Variants in SLK observed in about 807,000 individuals in gnomAD.
The protein encoded by SLK is STE20-like serine/threonine-protein kinase.
A neutral mutation model predicts 147.7 loss-of-function variants in SLK; 67 were observed. That is an observed-to-expected ratio of 0.45 (90% CI 0.37 to 0.56). The LOEUF is 0.56. SLK is among the 20% of genes least tolerant of loss of function. SLK has a pLI of 0.00. For missense variants in SLK, 1,136 were observed against 1,438.8 expected (o/e 0.79, Z 3.41); for synonymous variants, 441 against 475.0 (o/e 0.93, Z 0.93).
At chr10:103,989,104 T>A (rs1233734086) in intron 1 of SLK, among the ~76,000 whole-genome samples, 1 of 152,186 alleles carries the variant, frequency 6.6e-6, no homozygotes, top group African/African-American at 2.4e-5. Flanking sequence ...AGCCACAGAC[T>A]GAGAAAATAT....
chr10:104,005,118 GTTTTT>G (rs547950242), intron 9 of SLK, among the ~76,000 whole-genome samples: 1 of 150,996 alleles, frequency 6.6e-6, no homozygotes, highest in Admixed American at 6.6e-5. Context: ...TGTCAATTTA[GTTTTT>G]TTTTAAGAGA....
intron 1 of SLK, among the ~76,000 whole-genome samples, chr10:103,970,707 C>T (rs1199395894): frequency 1.2e-4 from 19 of 152,026 alleles, no homozygotes; most frequent in Admixed American, 1.0e-3. Flanking sequence ...TAACATAGTA[C>T]GTAGTAGTAT....
At chr10:103,989,883 C>T (rs1021807758) in intron 1 of SLK, among the ~76,000 whole-genome samples, 2 of 152,180 alleles carry the variant, frequency 1.3e-5, no homozygotes, top group Admixed American at 6.5e-5. Flanking sequence ...GAAACCCGCA[C>T]ATACATGTTT....
At chr10:103,979,936 A>G (rs1843919486) in intron 1 of SLK, among the ~76,000 whole-genome samples, 1 of 152,176 alleles carries the variant, frequency 6.6e-6, no homozygotes, top group Non-Finnish European at 1.5e-5. Flanking sequence ...CCTAACCAAG[A>G]TGGTGAAGAT....
chr10:104,005,223 A>G (rs977980146), intron 9 of SLK, among the ~76,000 whole-genome samples: 2 of 152,214 alleles, frequency 1.3e-5, no homozygotes, highest in Non-Finnish European at 2.9e-5. Flanking sequence ...AAAAAAAAGG[A>G]TAACATGTAA....
intron 12 of SLK, among the ~76,000 whole-genome samples, chr10:104,009,645 A>G (rs550943996): frequency 2.6e-5 from 4 of 152,178 alleles, no homozygotes; most frequent in Admixed American, 6.5e-5. Flanking sequence ...AGTGAAATTT[A>G]AAAAATTTTA....
rs368766440 is a variant in SLK, at chr10:103,986,692, T to TTC, written c.151-3983_151-3982insTC. Among the ~76,000 whole-genome samples, 641 of 125,044 alleles carry TTC rather than the reference T, an allele frequency of 5.1e-3. 3 individuals are homozygous for TTC. Among genetic ancestry groups the TTC allele is most frequent in the Non-Finnish European group, 8.2e-3 (491 of 59,532 alleles). 82.0% of individuals were successfully genotyped at this position (125,044 alleles called of 152,430 possible). A position where few individuals can be genotyped will look rare whatever the true frequency, so the allele number is the denominator to read the frequency against. On this transcript the variant is annotated intron_variant, in intron 1 of 18. Transcript: ENST00000369755. ...AGTTTTTTTTTTTTTTTTTTTTTTT[T>TTC]CCCTGAGACAGAGTCTTGGTCTGTT... is the stretch of plus-strand genomic sequence containing the variant.
chr10:104,008,385 T>A (rs1156432125), intron 12 of SLK, 29 bp downstream of exon 12: 4 of 1,503,170 alleles, frequency 2.7e-6, no homozygotes, highest in African/African-American at 1.4e-5. Flanking sequence ...TTTTAATTAC[T>A]AAAGCTTTTT....
At position 103,994,765 on chromosome 10, in the gene SLK, C is replaced by T. The variant is rs117284328; in HGVS notation, c.514+1632C>T. On this transcript the variant is annotated intron_variant, in intron 4 of 18. Coordinates refer to ENST00000369755, the MANE Select transcript of SLK (RefSeq NM_014720.4). ...GAAACACTGATCCATGGAACCTGGG[C>T]TGTTTGGCCTGTTGTGTTTCCCTCA... Among the ~76,000 whole-genome samples, 223 of 152,342 alleles carry T rather than the reference C, an allele frequency of 1.5e-3. 1 individual carries two copies. The highest frequency in any genetic ancestry group is 2.4e-3 in the Non-Finnish European group (165 of 68,032).
intron 1 of SLK, among the ~76,000 whole-genome samples, chr10:103,980,106 C>G (rs1037734109): frequency 1.1e-4 from 16 of 152,272 alleles, no homozygotes; most frequent in African/African-American, 3.9e-4. Context: ...ACTTTAAAGA[C>G]CGTCCTTTTC....
intron 18 of SLK, among the ~76,000 whole-genome samples, chr10:104,024,261 A>G (rs805682): frequency 0.2 from 30,053 of 151,966 alleles, 3,180 homozygotes; most frequent in African/African-American, 0.26. Flanking sequence ...GGGCCTTCTA[A>G]TTTCTAGTTC....
intron 18 of SLK, among the ~76,000 whole-genome samples, 199 bp from the exon 19 acceptor site, chr10:104,025,375 T>C (rs1191328938): frequency 6.6e-6 from 1 of 152,208 alleles, no homozygotes; most frequent in Non-Finnish European, 1.5e-5. Context: ...TGGACCCAAA[T>C]TGTCCATTTA....
chr10:103,990,448 C>T lies in SLK; in HGVS notation c.151-227C>T, dbSNP rs146897288. On this transcript the variant is annotated intron_variant, in intron 1 of 18. Transcript: ENST00000369755. ...ACGAGGGAACTTTCTGTACTTTCCA[C>T]GCAATTTTGCTGTGAACCTAAAACT... 5.4e-3 allele frequency among the ~76,000 whole-genome samples: 818 copies of T among 152,254 alleles called. 5 individuals are homozygous for T. Among genetic ancestry groups the T allele is most frequent in the African/African-American group, 0.018 (755 of 41,538 alleles).
chr10:103,991,409 A>G (rs576169798), intron 2 of SLK, among the ~76,000 whole-genome samples: 1 of 152,244 alleles, frequency 6.6e-6, no homozygotes, highest in South Asian at 2.1e-4. Flanking sequence ...TCTGTCAATC[A>G]CTTGTTCTGT....
Position 103,992,460 on chromosome 10 carries a change from G to A in SLK, c.316-138G>A, listed in dbSNP as rs549549265. On this transcript the variant is annotated intron_variant, in intron 2 of 18. Coordinates refer to ENST00000369755, the MANE Select transcript of SLK (RefSeq NM_014720.4). ...TTGTAACTCTTTTGACAAAATCTTCGTTTAGTATATCGTTTCCATAACCAG... is the reference window on the plus strand; with the variant it reads ...TTGTAACTCTTTTGACAAAATCTTCATTTAGTATATCGTTTCCATAACCAG... The A allele has an allele frequency of 7.7e-5, 56 of 730,996 alleles. No individual in the cohort carries two copies. The Admixed American group carries it at 1.2e-3, about 16-fold the overall frequency. The allele number at this position is 730,996 out of a possible 1,614,324, so 45.3% of individuals were successfully genotyped here.
At chr10:104,014,985 A>G (rs1844444294) in intron 13 of SLK, among the ~76,000 whole-genome samples, 2 of 152,222 alleles carry the variant, frequency 1.3e-5, no homozygotes, top group East Asian at 3.9e-4. Flanking sequence ...TCTAATTATA[A>G]ATTCCATGTG....
At chr10:103,998,836 C>A in intron 4 of SLK, 63 bp from the exon 5 acceptor site, 3 of 1,131,720 alleles carry the variant, frequency 2.7e-6, no homozygotes, top group South Asian at 2.7e-5. Flanking sequence ...CTTTTTCTCC[C>A]CATTGAATAC....
chr10:104,022,367 T>A (rs1405096106), intron 18 of SLK, among the ~76,000 whole-genome samples: 1 of 152,136 alleles, frequency 6.6e-6, no homozygotes, highest in African/African-American at 2.4e-5. Flanking sequence ...CCCTTTCCCT[T>A]GTTTGTGCTT....
Position 103,979,431 on chromosome 10 carries a change from A to C in SLK, c.151-11244A>C, listed in dbSNP as rs557569882. On this transcript the variant is annotated intron_variant, in intron 1 of 18. Transcript: ENST00000369755. The stretch of plus-strand genomic sequence containing the variant: ...AAGATCTGTGATATGGCTTATTCAC[A>C]TTTAAAGATAAAGTAATATTACATA... Among the ~76,000 whole-genome samples the C allele has an allele frequency of 2.0e-5, 3 of 152,380 alleles. No homozygotes were observed. The East Asian group carries it at 5.8e-4, about 29-fold the overall frequency.
Sources: allele counts gnomAD v4.1 joint callset (sites outside exome capture counted in the v4.1 genomes callset), GRCh38; gene constraint gnomAD v4.1.1; transcripts MANE v1.5; gene names NCBI Gene and HGNC (gene_info 2026-07-23, HGNC 2026-07-21).